ITGB5: variants seen among roughly 807,000 people sequenced by gnomAD.
The protein encoded by ITGB5 is integrin subunit beta 5.
A neutral mutation model predicts 84.8 loss-of-function variants in ITGB5; 38 were observed. The ratio of observed to expected loss-of-function variants is 0.45; its 90% confidence interval spans 0.35 to 0.59. ITGB5 has a LOEUF of 0.59. Among genes scored for constraint, ITGB5 ranks in the 20% least tolerant of loss-of-function variants. The pLI, the probability that ITGB5 is intolerant of heterozygous loss-of-function variation, is 0.01. For synonymous variants in ITGB5, 393 were observed against 414.4 expected, an observed-to-expected ratio of 0.95 and a Z score of 0.63; for missense variants, 905 against 1,034.5, an observed-to-expected ratio of 0.87 and a Z score of 1.72.
intron 3 of ITGB5, among the ~76,000 whole-genome samples, chr3:124,851,258 G>A (rs956524678): frequency 2.0e-5 from 3 of 152,074 alleles, no homozygotes; most frequent in Admixed American, 6.6e-5. Context: ...CTCACTGCTC[G>A]GTTTCTGCAT....
In ITGB5 at chr3:124,764,519, C is replaced by T; in HGVS notation, c.2176G>A (p.Ala726Thr). 6.2e-7 allele frequency: 1 copy of T among 1,613,856 alleles called. No homozygotes were observed. Among genetic ancestry groups the T allele is most frequent in the South Asian group, 1.1e-5 (1 of 91,046 alleles). ...NTPNAMTILL[A>T]VVGSILLVGL... ...ACAAGGAGGATGCTACCGACCACAG[C>T]CAGGAGGATGGTCATGGCGTTGGGG... is the stretch of plus-strand genomic sequence containing the variant. The change falls in exon 14 of 15, where the codon GCT (alanine) becomes ACT (threonine). Residue 726 changes from alanine to threonine, a missense_variant. Transcript: ENST00000296181.
At chr3:124,792,765 G>A (rs1015253785) in intron 10 of ITGB5, 2 of 152,212 alleles carry the variant, frequency 1.3e-5, no homozygotes, top group South Asian at 2.1e-4. Context: ...GGATTGTATG[G>A]GGTGAAGGGA....
upstream of ITGB5, among the ~76,000 whole-genome samples, chr3:124,891,462 TGGA>T (rs1002833494): frequency 1.3e-5 from 2 of 151,858 alleles, no homozygotes; most frequent in Admixed American, 1.3e-4. Context: ...GGACGATTGC[TGGA>T]GGCCAGGAGT....
intron 12 of ITGB5, 110 bp from the exon 13 acceptor site, chr3:124,766,455 GT>G: frequency 6.0e-6 from 8 of 1,337,494 alleles, no homozygotes; most frequent in Non-Finnish European, 8.2e-6. Context: ...CATGGGGGGT[GT>G]GGGCAGAAAA....
chr3:124,897,997 C>A (rs1935141707), intron 1 of ITGB5, among the ~76,000 whole-genome samples: 1 of 152,142 alleles, frequency 6.6e-6, no homozygotes, highest in African/African-American at 2.4e-5. Flanking sequence ...ATAAAAAAAT[C>A]TCTCTTGCAA....
chr3:124,788,344 C>T (rs1464569119), intron 10 of ITGB5, among the ~76,000 whole-genome samples: 1 of 152,172 alleles, frequency 6.6e-6, no homozygotes, highest in African/African-American at 2.4e-5. Context: ...TATAAGGAGG[C>T]CTCTAAAGGC....
intron 10 of ITGB5, among the ~76,000 whole-genome samples, chr3:124,775,466 G>A (rs1173355744): frequency 6.6e-6 from 1 of 152,092 alleles, no homozygotes; most frequent in Non-Finnish European, 1.5e-5. Flanking sequence ...AGACTAGATA[G>A]CACCGTCTTC....
chr3:124,815,686 ACAGCTCACAC>A (rs1029878616), intron 8 of ITGB5, among the ~76,000 whole-genome samples: 2 of 152,110 alleles, frequency 1.3e-5, no homozygotes, highest in Non-Finnish European at 2.9e-5. Context: ...CAAGCGGCTC[ACAGCTCACAC>A]CAGCTCACCC....
At chr3:124,895,900 C>A (rs1935092006) in intron 1 of ITGB5, among the ~76,000 whole-genome samples, 1 of 152,226 alleles carries the variant, frequency 6.6e-6, no homozygotes, top group Admixed American at 6.5e-5. Flanking sequence ...CAACTGCCTG[C>A]CACCCTCTGG....
At chr3:124,787,990 C>T (rs1006570277) in intron 10 of ITGB5, among the ~76,000 whole-genome samples, 2 of 151,564 alleles carry the variant, frequency 1.3e-5, no homozygotes, top group African/African-American at 4.9e-5. Flanking sequence ...TCACTGCAAC[C>T]TCCACCTTCT....
In ITGB5 at chr3:124,884,416, A is replaced by G. The variant is rs574473125; in HGVS notation, c.70+2515T>C. 5.9e-5 allele frequency among the ~76,000 whole-genome samples: 9 copies of G among 152,266 alleles called. No individual in the cohort carries two copies. In the South Asian group the frequency reaches 1.7e-3, roughly 28 times the overall value. ...AAAACCTGTAGTCAAAGAGATGGGC[A>G]GAGGCCAGCCGTGGTGGCTCACACC... On this transcript the variant is annotated intron_variant, in intron 1 of 14. Transcript: ENST00000296181.
chr3:124,772,536 A>G (rs1460034095), intron 11 of ITGB5, among the ~76,000 whole-genome samples: 1 of 152,224 alleles, frequency 6.6e-6, no homozygotes, highest in Non-Finnish European at 1.5e-5. Flanking sequence ...AAGAGAAGCG[A>G]CGTTTGTATT....
chr3:124,830,011 C>G (rs370557875), intron 5 of ITGB5, among the ~76,000 whole-genome samples: 1 of 152,322 alleles, frequency 6.6e-6, no homozygotes, highest in Admixed American at 6.5e-5. Context: ...ATGGACTCCT[C>G]CCAGGAGTGA....
rs11715022 is a variant in ITGB5, at chr3:124,852,124, C to A, written c.362-3566G>T. ...AAAACACCCGAGACTTTAAGCCAAT[C>A]GCCACCTCCCGCTGCCCGGCAGAGT... On this transcript the variant is annotated intron_variant, in intron 3 of 14. Coordinates refer to ENST00000296181, the MANE Select transcript of ITGB5 (RefSeq NM_002213.5). 2.0e-5 allele frequency among the ~76,000 whole-genome samples: 3 copies of A among 152,240 alleles called. No individual in the cohort carries two copies. The East Asian group carries it at 5.8e-4, about 29-fold the overall frequency.
intron 1 of ITGB5, among the ~76,000 whole-genome samples, chr3:124,877,329 T>C (rs755162846): frequency 1.1e-4 from 17 of 152,046 alleles, no homozygotes; most frequent in Non-Finnish European, 1.9e-4. Context: ...CAAAAGTGTG[T>C]GCAGGAAAAG....
rs182459255 is a variant in ITGB5 at position 124,859,464 on chromosome 3, G to C, written c.157-18C>G. 3 of 1,608,736 alleles carry C rather than the reference G, an allele frequency of 1.9e-6. No homozygotes were observed. Among genetic ancestry groups the C allele is most frequent in the Admixed American group, 3.4e-5 (2 of 58,750 alleles). On this transcript the variant is annotated intron_variant, in intron 2 of 14. Coordinates refer to ENST00000296181, the MANE Select transcript of ITGB5 (RefSeq NM_002213.5). ...CCGAAGTCCTAGGCAGGGAAAAAGAGGAAGAGAGCAGGAGGTGGTCAGGGT... is the reference window on the plus strand; with the variant it reads ...CCGAAGTCCTAGGCAGGGAAAAAGACGAAGAGAGCAGGAGGTGGTCAGGGT...
At chr3:124,788,022 C>T (rs1007003716) in intron 10 of ITGB5, among the ~76,000 whole-genome samples, 1 of 151,814 alleles carries the variant, frequency 6.6e-6, no homozygotes, top group Non-Finnish European at 1.5e-5. Flanking sequence ...GTCCTCCTAC[C>T]TCAGCCTCCC....
At chr3:124,896,394 T>C (rs1935101791) in intron 1 of ITGB5, among the ~76,000 whole-genome samples, 1 of 152,190 alleles carries the variant, frequency 6.6e-6, no homozygotes, top group South Asian at 2.1e-4. Flanking sequence ...TCTTCTTATG[T>C]TAGACTAGAC....
chr3:124,893,524 G>A (rs531802187), intron 1 of ITGB5, among the ~76,000 whole-genome samples: 1 of 152,120 alleles, frequency 6.6e-6, no homozygotes, highest in African/African-American at 2.4e-5. Flanking sequence ...CATGGTCCTG[G>A]TTAGGAAAAA....
Sources: gnomAD v4.1 joint callset for allele counts (sites outside exome capture counted in the v4.1 genomes callset) on GRCh38, gnomAD v4.1.1 for gene constraint, MANE v1.5 for transcripts, NCBI Gene and HGNC (gene_info 2026-07-23, HGNC 2026-07-21) for gene names.